SHE: variants seen among roughly 807,000 people sequenced by gnomAD.
SHE encodes SH2 domain-containing adapter protein E.
A neutral mutation model predicts 49.8 loss-of-function variants in SHE; 11 were observed. The ratio of observed to expected loss-of-function variants is 0.22; its 90% CI spans 0.14 to 0.37. The LOEUF (loss-of-function observed/expected upper bound fraction) is 0.37. Ranked by LOEUF, SHE falls within the 10% of genes least tolerant of loss-of-function variation. The pLI, the probability that SHE is intolerant of heterozygous loss-of-function variation, is 1.00. For missense variants in SHE, 624 were observed against 655.5 expected (o/e 0.95, Z 0.52); for synonymous variants, 310 against 278.1 (o/e 1.11, Z -1.14).
rs1691968886 is a variant in SHE, at chr1:154,479,685, A to G, written c.*4464T>C. The G allele has an allele frequency of 2.0e-6, 2 of 981,372 alleles. No homozygotes were observed. Among genetic ancestry groups the G allele is most frequent in the Admixed American group, 6.1e-5 (1 of 16,266 alleles). The allele number at this position is 981,372 out of a possible 1,614,324, so 60.8% of individuals were successfully genotyped here. On this transcript the variant is annotated 3_prime_UTR_variant, in exon 6 of 6. Transcript: ENST00000304760. ...AAGTTGAAACTATGTATTAGTTGAT[A>G]TCTAAAATATTAAAGCCCCTGACAA...
Position 154,480,512 on chromosome 1 carries a change from C to T in SHE, c.*3637G>A. 1 of 985,496 alleles carries T rather than the reference C, an allele frequency of 1.0e-6. No individual in the cohort carries two copies. The highest frequency in any genetic ancestry group is 6.1e-5 in the Admixed American group (1 of 16,290). 61.0% of individuals were successfully genotyped at this position (985,496 alleles called of 1,614,324 possible). ...CAATTAACAAATTAGGACAATTTCC[C>T]ACCACCTGCCTCAAAAACTCCTGGC... On this transcript the variant is annotated 3_prime_UTR_variant, in exon 6 of 6. Coordinates refer to ENST00000304760, the MANE Select transcript of SHE (RefSeq NM_001010846.3).
In SHE at chr1:154,484,070, CT is replaced by C. The variant is rs1692096262; in HGVS notation, c.*78del. ...ATTTTCTAGCAGTTGCTAGTCCAGC[CT>C]TGTCCTCTGAGATGCTGGTTGTGCG... On this transcript the variant is annotated 3_prime_UTR_variant, in exon 6 of 6. Coordinates refer to ENST00000304760, the MANE Select transcript of SHE (RefSeq NM_001010846.3). 1.3e-6 allele frequency: 2 copies of C among 1,534,702 alleles called. No individual in the cohort carries two copies. Among genetic ancestry groups the C allele is most frequent in the African/African-American group, 2.7e-5 (2 of 73,052 alleles).
At chr1:154,492,286 T>C (rs1257418509) in intron 2 of SHE, among the ~76,000 whole-genome samples, 1 of 152,054 alleles carries the variant, frequency 6.6e-6, no homozygotes, top group Non-Finnish European at 1.5e-5. Context: ...TAGTCTGGGG[T>C]ACAGTGTGGG....
At chr1:154,478,332 CCATCAGT>C (rs1691933842), downstream of SHE, among the ~76,000 whole-genome samples, 1 of 151,160 alleles carries the variant, frequency 6.6e-6, no homozygotes, top group African/African-American at 2.4e-5. Context: ...GCCCCGTGGG[CCATCAGT>C]CACCACTCCC....
At chr1:154,471,990 T>C (rs566964830) in intron 1 of SHE, among the ~76,000 whole-genome samples, 2 of 152,182 alleles carry the variant, frequency 1.3e-5, no homozygotes, top group Non-Finnish European at 2.9e-5. Flanking sequence ...CTGGCCAACA[T>C]GGTGAAACCC....
Position 154,484,232 on chromosome 1 carries a change from G to C in SHE, c.1405C>G (p.His469Asp). The C allele has an allele frequency of 6.2e-7, 1 of 1,614,174 alleles. No individual in the cohort carries two copies. Among genetic ancestry groups the C allele is most frequent in the Middle Eastern group, 1.6e-4 (1 of 6,062 alleles). ...AVFDSIPEVV[H>D]YYSNEKLPFK... ...GGCAACTTTTCATTGGAATAATAGTGTACCACTTCAGGGATGCTGTCAAAC... is the reference window on the plus strand; with the variant it reads ...GGCAACTTTTCATTGGAATAATAGTCTACCACTTCAGGGATGCTGTCAAAC... Residue 469 changes from histidine to aspartate, a missense_variant, in exon 6 of 6, where the codon CAC becomes GAC. Around this residue, in one of 4 missense-constraint regions of SHE, gnomAD observed 125 missense variants for 181.7 expected, o/e 0.69. Coordinates refer to ENST00000304760, the MANE Select transcript of SHE (RefSeq NM_001010846.3).
rs1692048020 is a variant in SHE at position 154,482,511 on chromosome 1, A to G, written c.*1638T>C. On this transcript the variant is annotated 3_prime_UTR_variant, in exon 6 of 6. Coordinates refer to ENST00000304760, the MANE Select transcript of SHE (RefSeq NM_001010846.3). Reference sequence around the variant, plus strand: ...CTTTCCTAAAAAATTAACCAAATCAACATTTTGTGTGTATTTATAAGCTAC... The same window carrying G: ...CTTTCCTAAAAAATTAACCAAATCAGCATTTTGTGTGTATTTATAAGCTAC... 1 of 985,254 alleles carries G rather than the reference A, an allele frequency of 1.0e-6. No individual in the cohort carries two copies. The highest frequency in any genetic ancestry group is 6.1e-5 in the Admixed American group (1 of 16,268). 61.0% of individuals were successfully genotyped at this position (985,254 alleles called of 1,614,324 possible).
At position 154,479,556 on chromosome 1, in the gene SHE, G is replaced by C; in HGVS notation, c.*4593C>G. ...TCAGGAGGGCATGAAGCCTATATTG[G>C]CTACTGCAAAACAACCAGAAGTTTT... On this transcript the variant is annotated 3_prime_UTR_variant, in exon 6 of 6. Coordinates refer to ENST00000304760, the MANE Select transcript of SHE (RefSeq NM_001010846.3). 1 of 984,202 alleles carries C rather than the reference G, an allele frequency of 1.0e-6. No homozygotes were observed. Among genetic ancestry groups the C allele is most frequent in the Non-Finnish European group, 1.2e-6 (1 of 828,864 alleles). The allele number at this position is 984,202 out of a possible 1,614,324, so 61.0% of individuals were successfully genotyped here.
At position 154,483,803 on chromosome 1, in the gene SHE, C is replaced by T. The variant is rs190799999; in HGVS notation, c.*346G>A. Reference sequence around the variant, plus strand: ...GGTCAGGAGTTTGAGACCAGCCTGACGAAGACGGCGAAACCCCATCTCTAC... The same window carrying T: ...GGTCAGGAGTTTGAGACCAGCCTGATGAAGACGGCGAAACCCCATCTCTAC... On this transcript the variant is annotated 3_prime_UTR_variant, in exon 6 of 6. Transcript: ENST00000304760. 7,022 of 893,974 alleles carry T rather than the reference C, an allele frequency of 7.9e-3. 30 individuals carry two copies. Among genetic ancestry groups the T allele is most frequent in the Non-Finnish European group, 8.9e-3 (6,528 of 733,864 alleles). The allele number at this position is 893,974 out of a possible 1,614,324, so 55.4% of individuals were successfully genotyped here. A position where few individuals can be genotyped will look rare whatever the true frequency, so the allele number is the denominator to read the frequency against.
At position 154,482,010 on chromosome 1, in the gene SHE, C is replaced by CT. The variant is rs60307202; in HGVS notation, c.*2138dup. ...CACAGGCATCCACCACCAGGCCAGG[C>CT]TTTTTTTTTTTTTTTTTTTTGAGAT... On this transcript the variant is annotated 3_prime_UTR_variant, in exon 6 of 6. Transcript: ENST00000304760. 0.05 allele frequency: 5,723 copies of CT among 113,430 alleles called. 564 individuals carry two copies. The highest frequency in any genetic ancestry group is 0.17 in the African/African-American group (4,612 of 27,546). The allele number at this position is 113,430 out of a possible 1,614,324, so 7.0% of individuals were successfully genotyped here.
chr1:154,481,098 T>G lies in SHE; in HGVS notation c.*3051A>C. On this transcript the variant is annotated 3_prime_UTR_variant, in exon 6 of 6. Transcript: ENST00000304760. ...GACAAAATGACAAAAAGCCAGAGCATTCAGAGCTCAGAGAACATGTCACAG... is the reference window on the plus strand; with the variant it reads ...GACAAAATGACAAAAAGCCAGAGCAGTCAGAGCTCAGAGAACATGTCACAG... The G allele has an allele frequency of 1.0e-6, 1 of 985,436 alleles. No individual in the cohort carries two copies. The highest frequency in any genetic ancestry group is 1.2e-6 in the Non-Finnish European group (1 of 829,930). The allele number at this position is 985,436 out of a possible 1,614,324, so 61.0% of individuals were successfully genotyped here. A position where few individuals can be genotyped will look rare whatever the true frequency, so the allele number is the denominator to read the frequency against.
At position 154,484,289 on chromosome 1, in the gene SHE, T is replaced by C. The variant is rs1225077464; in HGVS notation, c.1348A>G (p.Asn450Asp). The C allele has an allele frequency of 1.2e-6, 2 of 1,614,256 alleles. No homozygotes were observed. Among genetic ancestry groups the C allele is most frequent in the South Asian group, 1.1e-5 (1 of 91,088 alleles). Residue 450 changes from asparagine (N) to aspartate (D), a missense_variant, in exon 6 of 6, where the codon AAC becomes GAC. Asn to Asp is a conservative substitution (Grantham distance 23). Transcript: ENST00000304760. ...CTTGTCTGATTCAGTGTGTATTTGT[T>C]GTCTTTGGTCTGAGCCACTATGATG... ...VHIIVAQTKD[N>D]KYTLNQTSAV...
At position 154,480,111 on chromosome 1, in the gene SHE, G is replaced by C; in HGVS notation, c.*4038C>G. 2 of 985,470 alleles carry C rather than the reference G, an allele frequency of 2.0e-6. No homozygotes were observed. Among genetic ancestry groups the C allele is most frequent in the East Asian group, 1.1e-4 (1 of 8,820 alleles). The allele number at this position is 985,470 out of a possible 1,614,324, so 61.0% of individuals were successfully genotyped here. On this transcript the variant is annotated 3_prime_UTR_variant, in exon 6 of 6. Coordinates refer to ENST00000304760, the MANE Select transcript of SHE (RefSeq NM_001010846.3). ...AGCAGGCCAAGTTTCTCTAGTCCAC[G>C]TTAGTGGGGCACAAAAATTGGAAAT...
In SHE at chr1:154,485,882, G is replaced by C. The variant is rs939162485; in HGVS notation, c.1301+61C>G. The C allele has an allele frequency of 1.4e-5, 22 of 1,578,018 alleles. No homozygotes were observed. The African/African-American group carries it at 2.8e-4, about 20-fold the overall frequency. On this transcript the variant is annotated intron_variant, in intron 5 of 5. Transcript: ENST00000304760. ...CTTCACAGTATGTTTTTTTTGACTA[G>C]AAGACTGTCACACAGTGTTCCTTCC... is the stretch of plus-strand genomic sequence containing the variant.
Position 154,483,954 on chromosome 1 carries a change from C to T in SHE, c.*195G>A, listed in dbSNP as rs372721095. ...CAGATGTTGCAGTGAGCCAAGATTGCGCCATTGCACTCCAGCCTGGGCAAC... is the reference window on the plus strand; with the variant it reads ...CAGATGTTGCAGTGAGCCAAGATTGTGCCATTGCACTCCAGCCTGGGCAAC... On this transcript the variant is annotated 3_prime_UTR_variant, in exon 6 of 6. Coordinates refer to ENST00000304760, the MANE Select transcript of SHE (RefSeq NM_001010846.3). The T allele has an allele frequency of 2.8e-5, 38 of 1,368,736 alleles. No homozygotes were observed. In the African/African-American group the frequency reaches 3.6e-4, roughly 13 times the overall value. 84.8% of individuals were successfully genotyped at this position (1,368,736 alleles called of 1,614,324 possible). A position where few individuals can be genotyped will look rare whatever the true frequency, so the allele number is the denominator to read the frequency against.
chr1:154,483,510 T>C lies in SHE; in HGVS notation c.*639A>G, dbSNP rs892678597. 1.7e-5 allele frequency: 17 copies of C among 985,308 alleles called. No individual in the cohort carries two copies. The African/African-American group carries it at 2.3e-4, about 13-fold the overall frequency. 61.0% of individuals were successfully genotyped at this position (985,308 alleles called of 1,614,324 possible). On this transcript the variant is annotated 3_prime_UTR_variant, in exon 6 of 6. Coordinates refer to ENST00000304760, the MANE Select transcript of SHE (RefSeq NM_001010846.3). Reference sequence around the variant, plus strand: ...GAGACCAGGTATTCCAGGTAACAAGTAGGCACATTTCTAGAGAACTCTGAT... The same window carrying C: ...GAGACCAGGTATTCCAGGTAACAAGCAGGCACATTTCTAGAGAACTCTGAT...
At chr1:154,477,958 C>T (rs1691922012), downstream of SHE, among the ~76,000 whole-genome samples, 1 of 151,788 alleles carries the variant, frequency 6.6e-6, no homozygotes, top group Non-Finnish European at 1.5e-5. Context: ...CTCCCCATTT[C>T]CTCCTTCCCC....
chr1:154,501,428 A>ATTC lies in SHE; in HGVS notation c.591+5_591+7dup. 6.2e-7 allele frequency: 1 copy of ATTC among 1,613,640 alleles called. No individual in the cohort carries two copies. Among genetic ancestry groups the ATTC allele is most frequent in the Non-Finnish European group, 8.5e-7 (1 of 1,179,702 alleles). On this transcript the variant is annotated splice_region_variant and intron_variant, in intron 1 of 5. Coordinates refer to ENST00000304760, the MANE Select transcript of SHE (RefSeq NM_001010846.3). ...TGAGAGGTGGTCCAAGGGAGGCTGT[A>ATTC]TTCTTACCGTCTCTTGCTGCTTAAT...
downstream of SHE, among the ~76,000 whole-genome samples, chr1:154,477,092 C>T (rs548882636): frequency 6.6e-6 from 1 of 152,300 alleles, no homozygotes; most frequent in African/African-American, 2.4e-5. Flanking sequence ...ACAGGCAGAG[C>T]CTCTCCCAAG....
Sources: gnomAD v4.1 joint callset for allele counts (sites outside exome capture counted in the v4.1 genomes callset) on GRCh38, gnomAD v4.1.1 for gene constraint, gnomAD v4.1.1 regional missense constraint, MANE v1.5 for transcripts, NCBI Gene and HGNC (gene_info 2026-07-23, HGNC 2026-07-21) for gene names.